PDE4D: variants seen among roughly 807,000 people sequenced by gnomAD.
PDE4D encodes 3',5'-cyclic-AMP phosphodiesterase 4D.
PDE4D carries 24 observed loss-of-function variants against 87.4 expected under a neutral mutation model. The ratio of observed to expected loss-of-function variants is 0.27; its 90% CI spans 0.20 to 0.39. PDE4D has a LOEUF of 0.39. Among genes scored for constraint, PDE4D ranks in the 10% least tolerant of loss-of-function variants. PDE4D has a pLI of 1.00. For missense variants in PDE4D, 714 were observed against 1,041.0 expected, an observed-to-expected ratio of 0.69 and a Z score of 4.32; for synonymous variants, 384 against 383.2, an observed-to-expected ratio of 1.00 and a Z score of -0.02.
intron 1 of PDE4D, among the ~76,000 whole-genome samples, chr5:60,276,222 G>T (rs1751352185): frequency 6.6e-6 from 1 of 152,142 alleles, no homozygotes; most frequent in Non-Finnish European, 1.5e-5. Flanking sequence ...TGAGAAAGAA[G>T]GGCTGGAGTC....
intron 1 of PDE4D, among the ~76,000 whole-genome samples, chr5:60,440,678 AAAGAG>A (rs1266493368): frequency 6.6e-6 from 1 of 152,142 alleles, no homozygotes; most frequent in Non-Finnish European, 1.5e-5. Flanking sequence ...AATAGTGAGT[AAAGAG>A]AAGGTTGGAT....
Position 58,974,885 on chromosome 5 carries a change from C to T in PDE4D, c.2209G>A (p.Glu737Lys), listed in dbSNP as rs1289089427. 14 of 1,612,234 alleles carry T rather than the reference C, an allele frequency of 8.7e-6. No individual in the cohort carries two copies. Among genetic ancestry groups the T allele is most frequent in the Non-Finnish European group, 1.1e-5 (13 of 1,178,832 alleles). ...RQGQTEKFQF[E>K]LTLEEDGESD... ...TCACCATCTTCCTCTAAAGTTAGTT[C>T]AAACTGGAATTTCTCAGTTTGACCC... The change falls in exon 15 of 15, where the codon GAA becomes AAA. Residue 737 changes from glutamate to lysine, a missense_variant. By Grantham distance (56) the Glu-to-Lys change is moderately conservative. Transcript: ENST00000340635.
chr5:59,852,283 C>T (rs551180986), intron 1 of PDE4D, among the ~76,000 whole-genome samples: 50 of 152,140 alleles, frequency 3.3e-4, no homozygotes, highest in Admixed American at 8.5e-4. Flanking sequence ...TCTCACATTG[C>T]GTAGGGCTGA....
At chr5:59,109,977 G>A (rs182070523) in intron 5 of PDE4D, among the ~76,000 whole-genome samples, 20 of 152,250 alleles carry the variant, frequency 1.3e-4, no homozygotes, top group African/African-American at 4.8e-4. Context: ...TATGAGCCTC[G>A]AGAGTGTGCC....
chr5:60,029,422 A>ATC (rs1766981855), intron 2 of PDE4D, among the ~76,000 whole-genome samples: 1 of 152,294 alleles, frequency 6.6e-6, no homozygotes, highest in South Asian at 2.1e-4. Context: ...TGTGACCTGT[A>ATC]AGTTCCCGCT....
chr5:59,632,610 A>C (rs939527944), intron 1 of PDE4D, among the ~76,000 whole-genome samples: 4 of 152,200 alleles, frequency 2.6e-5, no homozygotes, highest in African/African-American at 4.8e-5. Context: ...CAGGGTGTGG[A>C]GTGGACCTCC....
intron 1 of PDE4D, among the ~76,000 whole-genome samples, chr5:60,517,470 A>G (rs1425076915): frequency 6.6e-6 from 1 of 152,226 alleles, no homozygotes; most frequent in Non-Finnish European, 1.5e-5. Context: ...TCCATAGACC[A>G]ATTAGCACTC....
chr5:60,033,358 A>C (rs1266614823), intron 2 of PDE4D, among the ~76,000 whole-genome samples: 1 of 152,172 alleles, frequency 6.6e-6, no homozygotes, highest in Non-Finnish European at 1.5e-5. Flanking sequence ...ATTTTCAAAG[A>C]AAAGATATTC....
intron 1 of PDE4D, among the ~76,000 whole-genome samples, chr5:60,279,487 C>T (rs1751683212): frequency 6.6e-6 from 1 of 152,080 alleles, no homozygotes; most frequent in South Asian, 2.1e-4. Context: ...AAGCTCCCGA[C>T]ATGGCTTTTG....
At position 58,975,161 on chromosome 5, in the gene PDE4D, CAAAT is replaced by C; in HGVS notation, c.2014-85_2014-82del. 1.3e-6 allele frequency: 1 copy of C among 784,082 alleles called. No homozygotes were observed. Among genetic ancestry groups the C allele is most frequent in the East Asian group, 2.8e-5 (1 of 35,852 alleles). 48.6% of individuals were successfully genotyped at this position (784,082 alleles called of 1,614,324 possible). On this transcript the variant is annotated intron_variant, in intron 14 of 14. Transcript: ENST00000340635. This position sits in a 1 kb window ranked among gnomAD's most constrained non-coding sequence, Gnocchi z 4.2. ...AAAAGCTTAATTAGATCATGGCCCA[CAAAT>C]AAAACACTGAACAGAAGACTACTAA...
intron 1 of PDE4D, among the ~76,000 whole-genome samples, chr5:59,740,097 T>C (rs1758623567): frequency 6.6e-6 from 1 of 152,182 alleles, no homozygotes; most frequent in African/African-American, 2.4e-5. Context: ...TTTATAAAAG[T>C]AGAAAATACT....
intron 1 of PDE4D, among the ~76,000 whole-genome samples, chr5:59,533,107 T>G (rs1349474186): frequency 2.0e-5 from 3 of 152,200 alleles, no homozygotes; most frequent in Non-Finnish European, 4.4e-5. Flanking sequence ...ACACACTGTC[T>G]TCATATAACT....
intron 2 of PDE4D, among the ~76,000 whole-genome samples, chr5:60,082,325 G>A (rs1271584116): frequency 1.3e-5 from 2 of 152,102 alleles, no homozygotes; most frequent in African/African-American, 2.4e-5. Context: ...GATATAACAA[G>A]AAGACACCCA....
intron 2 of PDE4D, among the ~76,000 whole-genome samples, chr5:60,107,248 G>A (rs1230107326): frequency 1.3e-5 from 2 of 152,192 alleles, no homozygotes; most frequent in African/African-American, 4.8e-5. Flanking sequence ...AAATAAACTA[G>A]AAAATCTAGA....
intron 2 of PDE4D, among the ~76,000 whole-genome samples, chr5:60,138,118 TTC>T (rs1780209151): frequency 6.6e-6 from 1 of 152,098 alleles, no homozygotes; most frequent in Non-Finnish European, 1.5e-5. Flanking sequence ...TGTTTCTGGG[TTC>T]TCTATTCTTT....
chr5:60,016,570 C>A (rs1368132517), intron 2 of PDE4D, among the ~76,000 whole-genome samples: 1 of 152,200 alleles, frequency 6.6e-6, no homozygotes, highest in Non-Finnish European at 1.5e-5. Context: ...TTCTCTCAAG[C>A]CCTGCCACTG....
At chr5:59,872,027 A>G (rs1204149804) in intron 1 of PDE4D, among the ~76,000 whole-genome samples, 3 of 151,668 alleles carry the variant, frequency 2.0e-5, no homozygotes, top group African/African-American at 4.8e-5. Context: ...CCCCACCTCA[A>G]CTCCACCAAG....
At chr5:60,358,628 C>T (rs1759813589) in intron 1 of PDE4D, among the ~76,000 whole-genome samples, 1 of 152,168 alleles carries the variant, frequency 6.6e-6, no homozygotes, top group Non-Finnish European at 1.5e-5. Flanking sequence ...ATAGGCCTGT[C>T]ATCCCAGGGC....
At chr5:59,567,134 T>C (rs1821076300) in intron 1 of PDE4D, among the ~76,000 whole-genome samples, 2 of 152,212 alleles carry the variant, frequency 1.3e-5, no homozygotes, top group African/African-American at 4.8e-5. Context: ...TCATTGAAAG[T>C]ATGGCTCATT....
Sources: gnomAD v4.1 joint callset for allele counts (sites outside exome capture counted in the v4.1 genomes callset) on GRCh38, gnomAD v4.1.1 for gene constraint, Gnocchi (gnomAD v3.1) non-coding constraint, MANE v1.5 for transcripts, NCBI Gene and HGNC (gene_info 2026-07-23, HGNC 2026-07-21) for gene names.